OSBPL3: variants seen among roughly 807,000 people sequenced by gnomAD.
OSBPL3 encodes oxysterol binding protein like 3, also known as oxysterol-binding protein-related protein 3.
OSBPL3 carries 65 observed loss-of-function variants against 120.1 expected under a neutral mutation model. The ratio of observed to expected loss-of-function variants is 0.54; its 90% confidence interval spans 0.44 to 0.67. The LOEUF is 0.67. OSBPL3 is among the 30% of genes least tolerant of loss of function. The probability of loss-of-function intolerance (pLI) is 0.00; values close to 1 mark genes in which losing one functional copy is unlikely to be tolerated. For missense variants in OSBPL3, 1,004 were observed against 1,082.1 expected (o/e 0.93, Z 1.01); for synonymous variants, 416 against 402.6 (o/e 1.03, Z -0.40).
rs1259402030 is a variant in OSBPL3, at chr7:24,867,575, C to T, written c.382-1338G>A. On this transcript the variant is annotated intron_variant, in intron 5 of 22. Coordinates refer to ENST00000313367, the MANE Select transcript of OSBPL3 (RefSeq NM_015550.4). The surrounding 1 kb of genome is among the most constrained non-coding windows in gnomAD (Gnocchi z 4.5). ...TGGTGTTTCCCTGCACAAACTCTTT[C>T]TCTTTGCCTGCCACCATCCACAGAT... is the stretch of plus-strand genomic sequence containing the variant. Among the ~76,000 whole-genome samples, 2 of 152,150 alleles carry T rather than the reference C, an allele frequency of 1.3e-5. No individual in the cohort carries two copies. The highest frequency in any genetic ancestry group is 2.9e-5 in the Non-Finnish European group (2 of 68,040).
At position 24,980,058 on chromosome 7, in the gene OSBPL3, G is replaced by A. The variant is rs1818118562; in HGVS notation, c.-322C>T. On this transcript the variant is annotated 5_prime_UTR_variant, in exon 1 of 23. Coordinates refer to ENST00000313367, the MANE Select transcript of OSBPL3 (RefSeq NM_015550.4). Reference sequence around the variant, plus strand: ...GGGCGGGGATGGCCACTTGCAGACAGACTGCGGGGCCGGAGCCGCGCTGCG... The same window carrying A: ...GGGCGGGGATGGCCACTTGCAGACAAACTGCGGGGCCGGAGCCGCGCTGCG... 2.0e-6 allele frequency: 2 copies of A among 985,042 alleles called. No individual in the cohort carries two copies. Among genetic ancestry groups the A allele is most frequent in the Non-Finnish European group, 2.4e-6 (2 of 829,754 alleles). 61.0% of individuals were successfully genotyped at this position (985,042 alleles called of 1,614,324 possible).
rs139394802 is a variant in OSBPL3 at position 24,802,959 on chromosome 7, CA to C, written c.2567+1355del. On this transcript the variant is annotated intron_variant, in intron 22 of 22. Transcript: ENST00000313367. This position sits in a 1 kb window ranked among gnomAD's most constrained non-coding sequence, Gnocchi z 4.1. ...GAATATTTCAGGATGAAATTTTGGC[CA>C]GTTGATTTTCCATCACTAATATCTT... Among the ~76,000 whole-genome samples the C allele has an allele frequency of 9.6e-3, 1,464 of 152,062 alleles. 27 individuals are homozygous for C. Among genetic ancestry groups the C allele is most frequent in the African/African-American group, 0.034 (1,389 of 41,456 alleles).
intron 1 of OSBPL3, among the ~76,000 whole-genome samples, chr7:24,911,665 T>C (rs1002730553): frequency 6.6e-6 from 1 of 152,204 alleles, no homozygotes; most frequent in Non-Finnish European, 1.5e-5. Context: ...CCAAGATATA[T>C]TTTGGAGGTA....
chr7:24,856,845 T>C (rs1006751347), intron 10 of OSBPL3, among the ~76,000 whole-genome samples: 6 of 152,212 alleles, frequency 3.9e-5, no homozygotes, highest in African/African-American at 1.4e-4. Flanking sequence ...TGATCTTCTG[T>C]AATCTGCAGC....
Position 24,831,881 on chromosome 7 carries a change from C to G in OSBPL3, c.1747-976G>C, listed in dbSNP as rs1351393207. ...TCACCACCTCATGCTATAGAATTCT[C>G]TAGAGCAGCTGGATGGCTTATAAAA... On this transcript the variant is annotated intron_variant, in intron 15 of 22. Coordinates refer to ENST00000313367, the MANE Select transcript of OSBPL3 (RefSeq NM_015550.4). The surrounding 1 kb of genome is among the most constrained non-coding windows in gnomAD (Gnocchi z 4.0). Among the ~76,000 whole-genome samples, 3 of 152,196 alleles carry G rather than the reference C, an allele frequency of 2.0e-5. No homozygotes were observed. The highest frequency in any genetic ancestry group is 4.8e-5 in the African/African-American group (2 of 41,452).
At chr7:24,807,565 C>T (rs1021241495) in intron 20 of OSBPL3, among the ~76,000 whole-genome samples, 1 of 152,066 alleles carries the variant, frequency 6.6e-6, no homozygotes, top group Admixed American at 6.6e-5. Context: ...TCCATTTTTC[C>T]TGATTCTCAC....
In OSBPL3 at chr7:24,871,694, C is replaced by G. The variant is rs752426741; in HGVS notation, c.267+48G>C. ...ACTCTCATCTCTGAGCTGATGGTTA[C>G]CCCTTTAGGATTCTTCAATACCACA... On this transcript the variant is annotated intron_variant, in intron 4 of 22. Coordinates refer to ENST00000313367, the MANE Select transcript of OSBPL3 (RefSeq NM_015550.4). The surrounding 1 kb of genome is among the most constrained non-coding windows in gnomAD (Gnocchi z 4.8). 4.4e-6 allele frequency: 6 copies of G among 1,360,954 alleles called. No homozygotes were observed. In the African/African-American group the frequency reaches 8.6e-5, roughly 20 times the overall value. The allele number at this position is 1,360,954 out of a possible 1,614,324, so 84.3% of individuals were successfully genotyped here.
In OSBPL3 at chr7:24,863,497, T is replaced by C; in HGVS notation, c.776A>G (p.Gln259Arg). The change falls in exon 8 of 23, where the codon CAG (glutamine) becomes CGG (arginine). Residue 259 changes from glutamine to arginine, a missense_variant and splice_region_variant. Coordinates refer to ENST00000313367, the MANE Select transcript of OSBPL3 (RefSeq NM_015550.4). This position sits in a 1 kb window ranked among gnomAD's most constrained non-coding sequence, Gnocchi z 5.8. Reference protein sequence around the residue: ...TYSAPAINAIQGGSFESPKKE... With the variant: ...TYSAPAINAIRGGSFESPKKE... ...CAACAGAAGAGGAGTCCGGCTCACC[T>C]GGATGGCGTTGATAGCTGGTGCCGA... The C allele has an allele frequency of 6.2e-7, 1 of 1,611,364 alleles. No individual in the cohort carries two copies. The highest frequency in any genetic ancestry group is 8.5e-7 in the Non-Finnish European group (1 of 1,177,492).
In OSBPL3 at chr7:24,821,921, T is replaced by G. The variant is rs531949604; in HGVS notation, c.1885-1683A>C. Among the ~76,000 whole-genome samples, 8 of 152,338 alleles carry G rather than the reference T, an allele frequency of 5.3e-5. No individual in the cohort carries two copies. In the East Asian group the frequency reaches 1.5e-3, roughly 29 times the overall value. On this transcript the variant is annotated intron_variant, in intron 16 of 22. Coordinates refer to ENST00000313367, the MANE Select transcript of OSBPL3 (RefSeq NM_015550.4). This position sits in a 1 kb window ranked among gnomAD's most constrained non-coding sequence, Gnocchi z 5.5. The stretch of plus-strand genomic sequence containing the variant: ...CAGGGTCTCCCTCTGCCACCCAGGC[T>G]GGAGTGCAGTGGCACAATCACAGCC...
intron 10 of OSBPL3, among the ~76,000 whole-genome samples, chr7:24,853,637 T>C (rs753441914): frequency 2.6e-5 from 4 of 152,228 alleles, no homozygotes; most frequent in Non-Finnish European, 4.4e-5. Context: ...TTTCCTGAAT[T>C]TGATTACTAT....
At chr7:24,809,779 C>G (rs769878255) in intron 20 of OSBPL3, 28 bp downstream of exon 20, 1 of 1,611,738 alleles carries the variant, frequency 6.2e-7, no homozygotes, top group South Asian at 1.1e-5. Flanking sequence ...CCACTCACAG[C>G]CTGGGGTCCA....
Position 24,871,712 on chromosome 7 carries a change from A to T in OSBPL3, c.267+30T>A, listed in dbSNP as rs750849474. On this transcript the variant is annotated intron_variant, in intron 4 of 22. Transcript: ENST00000313367. This position sits in a 1 kb window ranked among gnomAD's most constrained non-coding sequence, Gnocchi z 4.8. ...ATGGTTACCCCTTTAGGATTCTTCA[A>T]TACCACAGTGGGCCCACAAAAAGAC... 2 of 1,568,314 alleles carry T rather than the reference A, an allele frequency of 1.3e-6. No individual in the cohort carries two copies. The highest frequency in any genetic ancestry group is 3.3e-5 in the Admixed American group (2 of 59,770).
At chr7:24,890,335 C>T (rs1805161405) in intron 2 of OSBPL3, among the ~76,000 whole-genome samples, 2 of 152,160 alleles carry the variant, frequency 1.3e-5, no homozygotes, top group Admixed American at 1.3e-4. Flanking sequence ...TGACTGGAAA[C>T]ACAGTGTCAT....
chr7:24,866,588 C>A (rs1297358349), intron 5 of OSBPL3, among the ~76,000 whole-genome samples: 1 of 152,018 alleles, frequency 6.6e-6, no homozygotes, highest in Non-Finnish European at 1.5e-5. Context: ...CTGCAGTGAA[C>A]CGAGATTGAG....
rs577992741 is a variant in OSBPL3 at position 24,890,238 on chromosome 7, T to C, written c.96+2139A>G. Among the ~76,000 whole-genome samples, 9 of 152,358 alleles carry C rather than the reference T, an allele frequency of 5.9e-5. No homozygotes were observed. In the East Asian group the frequency reaches 1.5e-3, roughly 26 times the overall value. The stretch of plus-strand genomic sequence containing the variant: ...AGTTGGTATTTGTACAGATTATCTT[T>C]AGTTATATTTTCATATTCCTCTAAT... On this transcript the variant is annotated intron_variant, in intron 2 of 22. Coordinates refer to ENST00000313367, the MANE Select transcript of OSBPL3 (RefSeq NM_015550.4).
intron 5 of OSBPL3, among the ~76,000 whole-genome samples, chr7:24,870,052 CAAGAT>C (rs1801887826): frequency 6.6e-6 from 1 of 152,144 alleles, no homozygotes; most frequent in Non-Finnish European, 1.5e-5. Context: ...TGCAACCCGA[CAAGAT>C]AAGTATTACA....
At chr7:24,857,388 C>T (rs1799966685) in intron 10 of OSBPL3, among the ~76,000 whole-genome samples, 1 of 152,198 alleles carries the variant, frequency 6.6e-6, no homozygotes, top group Non-Finnish European at 1.5e-5. Context: ...AATCTCCTCA[C>T]CAAGTTTGGT....
At chr7:24,880,094 T>C (rs986461569) in intron 2 of OSBPL3, among the ~76,000 whole-genome samples, 2 of 152,226 alleles carry the variant, frequency 1.3e-5, no homozygotes, top group Non-Finnish European at 2.9e-5. Flanking sequence ...GATGGGGTTT[T>C]TATAGTTGCT....
Position 24,938,581 on chromosome 7 carries a change from A to C in OSBPL3, c.-150+41305T>G, listed in dbSNP as rs1812689477. ...TTCTGAAACTCTAGTCATCACTCAA[A>C]TTTGAAGGCCAGAAGAAGGAAAAGT... On this transcript the variant is annotated intron_variant, in intron 1 of 22. Coordinates refer to ENST00000313367, the MANE Select transcript of OSBPL3 (RefSeq NM_015550.4). This position sits in a 1 kb window ranked among gnomAD's most constrained non-coding sequence, Gnocchi z 5.8. Among the ~76,000 whole-genome samples the C allele has an allele frequency of 6.6e-6, 1 of 152,128 alleles. No individual in the cohort carries two copies. Among genetic ancestry groups the C allele is most frequent in the African/African-American group, 2.4e-5 (1 of 41,410 alleles).
Sources: gnomAD v4.1 joint callset for allele counts (sites outside exome capture counted in the v4.1 genomes callset) on GRCh38, gnomAD v4.1.1 for gene constraint, Gnocchi (gnomAD v3.1) non-coding constraint, MANE v1.5 for transcripts, NCBI Gene and HGNC (gene_info 2026-07-23, HGNC 2026-07-21) for gene names.